TBCK: variants seen among roughly 807,000 people sequenced by gnomAD.
TBCK encodes TBC1 domain containing kinase, also known as TBC domain-containing protein kinase-like protein.
TBCK carries 99 observed loss-of-function variants against 113.4 expected under a neutral mutation model. That is an observed-to-expected ratio of 0.87 (90% CI 0.74 to 1.03). The LOEUF (loss-of-function observed/expected upper bound fraction) is 1.03. Among genes scored for constraint, TBCK ranks in the 50% least tolerant of loss-of-function variants. The probability of loss-of-function intolerance (pLI) is 0.00; values close to 1 mark genes in which losing one functional copy is unlikely to be tolerated. For missense variants in TBCK, 1,045 were observed against 1,061.3 expected, an observed-to-expected ratio of 0.98 and a Z score of 0.21; for synonymous variants, 369 against 370.8, an observed-to-expected ratio of 1.00 and a Z score of 0.05.
chr4:106,084,550 A>G (rs1220158542), intron 25 of TBCK, among the ~76,000 whole-genome samples: 1 of 152,198 alleles, frequency 6.6e-6, no homozygotes. Flanking sequence ...CCAACCTAGC[A>G]AAACAGACCA....
At chr4:106,204,901 G>A (rs1322057341) in intron 20 of TBCK, among the ~76,000 whole-genome samples, 1 of 151,050 alleles carries the variant, frequency 6.6e-6, no homozygotes, top group Non-Finnish European at 1.5e-5. Flanking sequence ...GAGTAGCTGG[G>A]ACTACAGGCG....
chr4:106,306,269 G>C (rs950204435), intron 2 of TBCK, among the ~76,000 whole-genome samples: 2 of 111,364 alleles, frequency 1.8e-5, no homozygotes, highest in African/African-American at 6.8e-5. Context: ...TTTTTTGGTA[G>C]AGACAGAATC....
At chr4:106,165,267 G>A (rs575361635) in intron 23 of TBCK, among the ~76,000 whole-genome samples, 88 of 151,784 alleles carry the variant, frequency 5.8e-4, no homozygotes, top group African/African-American at 2.0e-3. Context: ...GAATTCTCAA[G>A]CAGTTTTAGC....
chr4:106,135,421 C>CCAAA (rs1337787999), intron 23 of TBCK, among the ~76,000 whole-genome samples: 3 of 143,820 alleles, frequency 2.1e-5, no homozygotes, highest in African/African-American at 2.5e-5. Flanking sequence ...GTCAGTCTGG[C>CCAAA]TCTGGAGAAT....
At position 106,164,157 on chromosome 4, in the gene TBCK, C is replaced by G. The variant is rs554996965; in HGVS notation, c.2235+6938G>C. 3.9e-5 allele frequency among the ~76,000 whole-genome samples: 6 copies of G among 152,174 alleles called. No homozygotes were observed. The East Asian group carries it at 9.7e-4, about 25-fold the overall frequency. On this transcript the variant is annotated intron_variant, in intron 23 of 25. Transcript: ENST00000394708. The stretch of plus-strand genomic sequence containing the variant: ...GCCAGGGTTTCTAGTCTTCATCTTT[C>G]ACTAAAATTGTGCCTATCATAATAG...
intron 14 of TBCK, 27 bp downstream of exon 14, chr4:106,236,363 T>A: frequency 7.2e-7 from 1 of 1,393,144 alleles, no homozygotes; most frequent in Non-Finnish European, 9.4e-7. Flanking sequence ...GGGCTATTGT[T>A]AACACTTTAT....
intron 22 of TBCK, among the ~76,000 whole-genome samples, chr4:106,190,352 T>A (rs1269235605): frequency 2.0e-5 from 3 of 152,246 alleles, no homozygotes; most frequent in Non-Finnish European, 2.9e-5. Context: ...GGCAGCACTT[T>A]TGCTTTATTA....
chr4:106,175,551 A>G (rs10000428), intron 22 of TBCK, among the ~76,000 whole-genome samples: 61,085 of 151,558 alleles, frequency 0.4, 12,626 homozygotes, highest in African/African-American at 0.48. Flanking sequence ...ATATGACCAT[A>G]GGAGGGGCCT....
At chr4:106,297,890 C>T (rs1766478616) in intron 2 of TBCK, among the ~76,000 whole-genome samples, 1 of 152,150 alleles carries the variant, frequency 6.6e-6, no homozygotes, top group African/African-American at 2.4e-5. Flanking sequence ...AGCCACCTGC[C>T]TCACAGGGTT....
intron 25 of TBCK, among the ~76,000 whole-genome samples, chr4:106,090,740 T>C: frequency 6.6e-6 from 1 of 152,150 alleles, no homozygotes; most frequent in East Asian, 1.9e-4. Flanking sequence ...CAGATCCCTA[T>C]GACATGAACA....
rs139587868 is a variant in TBCK, at chr4:106,308,943, G to A, written c.18C>T (p.Asp6=). 6.9e-4 allele frequency: 1,121 copies of A among 1,613,822 alleles called. 2 individuals are homozygous for A. Among genetic ancestry groups the A allele is most frequent in the Middle Eastern group, 4.8e-3 (29 of 6,056 alleles). MFPLK[D]AEMGAFTFFA... The stretch of plus-strand genomic sequence containing the variant: ...AGAAGGTAAAGGCTCCCATTTCAGC[G>A]TCCTTCAGGGGAAACATTTTTGGAG... Residue 6 remains aspartate (D), a synonymous_variant, in exon 2 of 26, where the codon GAC becomes GAT. Transcript: ENST00000394708.
chr4:106,122,835 C>T (rs1262885263), intron 23 of TBCK, among the ~76,000 whole-genome samples: 1 of 151,998 alleles, frequency 6.6e-6, no homozygotes, highest in East Asian at 1.9e-4. Context: ...ACCCTTCATG[C>T]TAAAAACTCT....
chr4:106,116,483 A>C, intron 23 of TBCK, 105 bp from the exon 24 acceptor site: 2 of 922,210 alleles, frequency 2.2e-6, no homozygotes, highest in Non-Finnish European at 3.2e-6. Context: ...CATATAAGAG[A>C]AGAGGAAACT....
At chr4:106,164,110 C>T (rs62321377) in intron 23 of TBCK, among the ~76,000 whole-genome samples, 11,641 of 152,004 alleles carry the variant, frequency 0.077, 511 homozygotes, top group Middle Eastern at 0.18. Context: ...AGGGCTGATA[C>T]ATTTTACCCC....
intron 23 of TBCK, among the ~76,000 whole-genome samples, chr4:106,143,689 C>T (rs1217700107): frequency 3.3e-5 from 5 of 151,932 alleles, no homozygotes; most frequent in African/African-American, 9.7e-5. Context: ...CCAAGGCGGG[C>T]GGACCACCTG....
chr4:106,217,872 A>C lies in TBCK; in HGVS notation c.1775-5037T>G, dbSNP rs567474960. 5.9e-3 allele frequency among the ~76,000 whole-genome samples: 869 copies of C among 148,032 alleles called. 15 individuals are homozygous for C. Among genetic ancestry groups the C allele is most frequent in the Non-Finnish European group, 0.011 (702 of 66,122 alleles). On this transcript the variant is annotated intron_variant, in intron 19 of 25. Coordinates refer to ENST00000394708, the MANE Select transcript of TBCK (RefSeq NM_001163435.3). ...TCACAGAATTGGAAAAAACTACTTT[A>C]AAGTTCATATGGAACCAAAAAAGAG... is the stretch of plus-strand genomic sequence containing the variant.
intron 1 of TBCK, among the ~76,000 whole-genome samples, chr4:106,313,138 C>T (rs1579606693): frequency 2.0e-5 from 3 of 152,154 alleles, no homozygotes; most frequent in Admixed American, 1.3e-4. Flanking sequence ...TATACATTTT[C>T]AAAGCATCAA....
At position 106,098,470 on chromosome 4, in the gene TBCK, T is replaced by G. The variant is rs145508281; in HGVS notation, c.2412-2829A>C. 6.9e-4 allele frequency among the ~76,000 whole-genome samples: 105 copies of G among 152,180 alleles called. 1 individual carries two copies. Among genetic ancestry groups the G allele is most frequent in the African/African-American group, 2.4e-3 (101 of 41,576 alleles). ...CAACAATGACATTACAATTTTTGGTTAGGTTTTGGCAAAAGTGGCAATGGT... is the reference window on the plus strand; with the variant it reads ...CAACAATGACATTACAATTTTTGGTGAGGTTTTGGCAAAAGTGGCAATGGT... On this transcript the variant is annotated intron_variant, in intron 24 of 25. Transcript: ENST00000394708.
At chr4:106,229,256 T>C (rs1758584875) in intron 19 of TBCK, among the ~76,000 whole-genome samples, 1 of 152,050 alleles carries the variant, frequency 6.6e-6, no homozygotes, top group South Asian at 2.1e-4. Context: ...CTTGATGTGA[T>C]CTCATTTGTC....
Sources: allele counts gnomAD v4.1 joint callset (sites outside exome capture counted in the v4.1 genomes callset), GRCh38; gene constraint gnomAD v4.1.1; transcripts MANE v1.5; gene names NCBI Gene and HGNC (gene_info 2026-07-23, HGNC 2026-07-21).